Variants in CACNA1B observed in about 807,000 individuals in gnomAD.
CACNA1B encodes the protein calcium voltage-gated channel subunit alpha1 B, also known as voltage-dependent N-type calcium channel subunit alpha-1B.
Under a neutral mutation model 247.2 loss-of-function variants are expected in CACNA1B, and 70 were observed. The ratio of observed to expected loss-of-function variants is 0.28; its 90% CI spans 0.23 to 0.35. The LOEUF (loss-of-function observed/expected upper bound fraction) is 0.35, where lower values mean the gene tolerates loss of function less well. CACNA1B is among the 10% of genes least tolerant of loss of function. CACNA1B has a pLI of 1.00. For synonymous variants in CACNA1B, 1,231 were observed against 1,294.4 expected, an observed-to-expected ratio of 0.95 and a Z score of 1.05; for missense variants, 2,367 against 3,197.4, an observed-to-expected ratio of 0.74 and a Z score of 6.26.
chr9:138,058,235 C>A lies in CACNA1B; in HGVS notation c.4293C>A (p.Ser1431Arg). Residue 1431 changes from serine (S) to arginine (R), a missense_variant, in exon 28 of 47, where the codon AGC (serine) becomes AGA (arginine). Physicochemically the swap from Ser to Arg is moderately radical, Grantham distance 110 (BLOSUM62 -1). Transcript: ENST00000371372. The surrounding 1 kb of genome is among the most constrained non-coding windows in gnomAD (Gnocchi z 4.7). ...GGGACAAGGTGATGTCTGAATGCAG[C>A]CTGGAGAAGAACGAGGTAGGTGGAC... ...EQGDKVMSECSLEKNERACID... is the reference protein window; with the variant it reads ...EQGDKVMSECRLEKNERACID... 1 of 1,613,474 alleles carries A rather than the reference C, an allele frequency of 6.2e-7. No individual in the cohort carries two copies. Among genetic ancestry groups the A allele is most frequent in the East Asian group, 2.2e-5 (1 of 44,882 alleles).
At chr9:137,947,481 A>T (rs943745153) in intron 6 of CACNA1B, among the ~76,000 whole-genome samples, 9 of 152,218 alleles carry the variant, frequency 5.9e-5, no homozygotes, top group South Asian at 2.1e-4. Flanking sequence ...AACATAATTT[A>T]AAAAACTCAA....
In CACNA1B at chr9:138,080,346, C is replaced by T. The variant is rs941218096; in HGVS notation, c.5094+2088C>T. Among the ~76,000 whole-genome samples, 9 of 151,998 alleles carry T rather than the reference C, an allele frequency of 5.9e-5. No individual in the cohort carries two copies. In the East Asian group the frequency reaches 1.2e-3, roughly 20 times the overall value. On this transcript the variant is annotated intron_variant, in intron 36 of 46. Transcript: ENST00000371372. ...GATGCAGGTATTTGAAAAAGGGAGCCGGAAAAGTAGGCGATGTGAGCAGAG... is the reference window on the plus strand; with the variant it reads ...GATGCAGGTATTTGAAAAAGGGAGCTGGAAAAGTAGGCGATGTGAGCAGAG...
At chr9:137,892,067 C>G (rs1243272703) in intron 3 of CACNA1B, 4 of 457,222 alleles carry the variant, frequency 8.7e-6, no homozygotes, top group African/African-American at 8.0e-5. Flanking sequence ...TTCTTCCCCA[C>G]CAGGCTGGCC....
chr9:138,021,315 C>T (rs577601314), intron 18 of CACNA1B, among the ~76,000 whole-genome samples: 1 of 152,194 alleles, frequency 6.6e-6, no homozygotes, highest in Non-Finnish European at 1.5e-5. Flanking sequence ...CCCTGCCTGC[C>T]CCCACCCCAC....
At chr9:137,956,682 G>T in intron 8 of CACNA1B, 89 bp from the exon 9 acceptor site, 1 of 1,063,808 alleles carries the variant, frequency 9.4e-7, no homozygotes. Flanking sequence ...AGCTGAGAAG[G>T]CAGGGCCTTC....
chr9:137,921,974 G>C (rs574733532), intron 6 of CACNA1B, among the ~76,000 whole-genome samples: 2 of 146,078 alleles, frequency 1.4e-5, no homozygotes, highest in Non-Finnish European at 3.0e-5. Context: ...TAAAGTGTTC[G>C]GAGAACACGA....
At chr9:138,030,621 C>CT (rs1958977133) in intron 20 of CACNA1B, among the ~76,000 whole-genome samples, 1 of 152,074 alleles carries the variant, frequency 6.6e-6, no homozygotes, top group Non-Finnish European at 1.5e-5. Context: ...AATGGATTGT[C>CT]CCTCTTCTAT....
At chr9:137,983,504 C>T (rs111562230) in intron 12 of CACNA1B, among the ~76,000 whole-genome samples, 1,630 of 152,240 alleles carry the variant, frequency 0.011, 10 homozygotes, top group African/African-American at 0.013. Flanking sequence ...GGACGTGTAC[C>T]TTGCTCACAA....
chr9:138,006,669 T>C (rs891758962), intron 15 of CACNA1B, 98 bp from the exon 16 acceptor site: 1 of 704,874 alleles, frequency 1.4e-6, no homozygotes. Flanking sequence ...GCAGTGCGCG[T>C]GGACGTGGCG....
chr9:138,115,630 G>A lies in CACNA1B; in HGVS notation c.5728G>A (p.Val1910Ile), dbSNP rs1961827405. 2 of 1,613,782 alleles carry A rather than the reference G, an allele frequency of 1.2e-6. No homozygotes were observed. Among genetic ancestry groups the A allele is most frequent in the Non-Finnish European group, 1.7e-6 (2 of 1,179,806 alleles). Residue 1910 changes from valine to isoleucine, a missense_variant, in exon 42 of 47, where the codon GTT (valine) becomes ATT (isoleucine). By Grantham distance (29) the Val-to-Ile change is conservative. This residue lies in a region of CACNA1B where 773 missense variants were observed against 779.4 expected (regional missense o/e 0.99). Coordinates refer to ENST00000371372, the MANE Select transcript of CACNA1B (RefSeq NM_000718.4). ...TQPAVLRGAR[V>I]FLRQKSSTSL... ...GCCGGCTGTGCTCCGAGGAGCCCGGGTTTTCCTTCGACAGAAGAGTTCCAC... is the reference window on the plus strand; with the variant it reads ...GCCGGCTGTGCTCCGAGGAGCCCGGATTTTCCTTCGACAGAAGAGTTCCAC...
chr9:138,077,864 C>T (rs1316834323), intron 35 of CACNA1B, among the ~76,000 whole-genome samples: 2 of 152,232 alleles, frequency 1.3e-5, no homozygotes, highest in East Asian at 3.8e-4. Flanking sequence ...CAAAGAAGTG[C>T]TCGCCCTGGC....
intron 39 of CACNA1B, among the ~76,000 whole-genome samples, chr9:138,107,747 G>A (rs1377963989): frequency 6.6e-6 from 1 of 152,134 alleles, no homozygotes; most frequent in Non-Finnish European, 1.5e-5. Context: ...CACTTTGGGA[G>A]GCCAAGGCAG....
chr9:138,110,736 CAA>C (rs1217861742), intron 39 of CACNA1B, among the ~76,000 whole-genome samples: 1 of 151,700 alleles, frequency 6.6e-6, no homozygotes, highest in African/African-American at 2.4e-5. Context: ...TGTCTCAAAA[CAA>C]AACAAAAAAC....
chr9:138,052,172 G>A lies in CACNA1B; in HGVS notation c.3791G>A (p.Arg1264Gln), dbSNP rs1207396389. 2.5e-6 allele frequency: 4 copies of A among 1,607,862 alleles called. No homozygotes were observed. The highest frequency in any genetic ancestry group is 3.4e-6 in the Non-Finnish European group (4 of 1,175,548). ...CTGCGGCCCCTCAAGACCATCAAAC[G>A]GCTGCCCAAGCTCAAGGTTAGAGCC... ...RVLRPLKTIK[R>Q]LPKLKAVFDC... The change falls in exon 25 of 47, where the codon CGG becomes CAG. Residue 1264 changes from arginine (R) to glutamine (Q), a missense_variant. By Grantham distance (43) the Arg-to-Gln change is conservative. Around this residue, in one of 12 missense-constraint regions of CACNA1B, gnomAD observed 436 missense variants for 679.5 expected, o/e 0.64. Transcript: ENST00000371372. The surrounding 1 kb of genome is among the most constrained non-coding windows in gnomAD (Gnocchi z 5.1).
At position 138,122,027 on chromosome 9, in the gene CACNA1B, A is replaced by C; in HGVS notation, c.*28A>C. Reference sequence around the variant, plus strand: ...GCACCGTGACCGCTCAGACGCCTGCATGCAGCAGGCGTGTGTTCCAGTGGA... The same window carrying C: ...GCACCGTGACCGCTCAGACGCCTGCCTGCAGCAGGCGTGTGTTCCAGTGGA... On this transcript the variant is annotated 3_prime_UTR_variant, in exon 47 of 47. Transcript: ENST00000371372. 6.4e-7 allele frequency: 1 copy of C among 1,562,118 alleles called. No homozygotes were observed. Among genetic ancestry groups the C allele is most frequent in the Non-Finnish European group, 8.7e-7 (1 of 1,154,092 alleles).
In CACNA1B at chr9:138,057,482, C is replaced by T. The variant is rs967300317; in HGVS notation, c.3969-250C>T. ...GATTCGAGGTCACGAAGTTTTGCCCCCGTTTTCCTCTAAGTGTTTTATAGT... is the reference window on the plus strand; with the variant it reads ...GATTCGAGGTCACGAAGTTTTGCCCTCGTTTTCCTCTAAGTGTTTTATAGT... On this transcript the variant is annotated intron_variant, in intron 26 of 46. Transcript: ENST00000371372. This position sits in a 1 kb window ranked among gnomAD's most constrained non-coding sequence, Gnocchi z 4.0. Among the ~76,000 whole-genome samples, 1 of 152,134 alleles carries T rather than the reference C, an allele frequency of 6.6e-6. No homozygotes were observed. The highest frequency in any genetic ancestry group is 1.5e-5 in the Non-Finnish European group (1 of 68,032).
chr9:137,924,812 C>A (rs1050407129), intron 6 of CACNA1B, among the ~76,000 whole-genome samples: 1 of 152,036 alleles, frequency 6.6e-6, no homozygotes, highest in Non-Finnish European at 1.5e-5. Context: ...TTTTGAGCAC[C>A]CCTGGAGAAA....
chr9:137,996,678 T>A (rs968491943), intron 15 of CACNA1B, among the ~76,000 whole-genome samples: 5 of 152,178 alleles, frequency 3.3e-5, no homozygotes, highest in Admixed American at 2.0e-4. Context: ...AAAAATTTAA[T>A]AATTAAAAAT....
At chr9:138,104,187 G>C (rs1961347317) in intron 38 of CACNA1B, among the ~76,000 whole-genome samples, 1 of 152,228 alleles carries the variant, frequency 6.6e-6, no homozygotes, top group Admixed American at 6.5e-5. Flanking sequence ...ACTGCACCTT[G>C]GAGGGCCCAG....
Sources: gnomAD v4.1 joint callset for allele counts (sites outside exome capture counted in the v4.1 genomes callset) on GRCh38, gnomAD v4.1.1 for gene constraint, gnomAD v4.1.1 regional missense constraint, Gnocchi (gnomAD v3.1) non-coding constraint, MANE v1.5 for transcripts, NCBI Gene and HGNC (gene_info 2026-07-23, HGNC 2026-07-21) for gene names.